The following KLHL5 variants were observed in gnomAD, a reference collection of about 807,000 sequenced individuals.
The protein encoded by KLHL5 is kelch like family member 5.
A neutral mutation model predicts 77.7 loss-of-function variants in KLHL5; 48 were observed. That is an observed-to-expected ratio of 0.62 (90% CI 0.49 to 0.79). The LOEUF (loss-of-function observed/expected upper bound fraction) is 0.79. Ranked by LOEUF, KLHL5 falls within the 30% of genes least tolerant of loss-of-function variation. KLHL5 has a pLI of 0.00. For synonymous variants in KLHL5, 260 were observed against 297.0 expected (o/e 0.88, Z 1.28); for missense variants, 723 against 859.7 (o/e 0.84, Z 1.99).
rs1209170836 is a variant in KLHL5, at chr4:39,122,839, AG to A, written c.*1774del. On this transcript the variant is annotated 3_prime_UTR_variant, in exon 11 of 11. Coordinates refer to ENST00000504108, the MANE Select transcript of KLHL5 (RefSeq NM_015990.5). Reference sequence around the variant, plus strand: ...AAAAAATAAATAAAAAAAAAATAAAAGATTTCATTTTATGTGAGGAATTATT... The same window carrying A: ...AAAAAATAAATAAAAAAAAAATAAAAATTTCATTTTATGTGAGGAATTATT... Among the ~76,000 whole-genome samples the A allele has an allele frequency of 1.3e-5, 2 of 151,834 alleles. No individual in the cohort carries two copies. Among genetic ancestry groups the A allele is most frequent in the Non-Finnish European group, 2.9e-5 (2 of 67,972 alleles).
intron 1 of KLHL5, among the ~76,000 whole-genome samples, chr4:39,054,826 C>A (rs559248475): frequency 1.7e-4 from 26 of 152,310 alleles, no homozygotes; most frequent in East Asian, 1.5e-3. Flanking sequence ...ACTGAACACT[C>A]ATGGGTAAGC....
At chr4:39,065,125 A>G (rs1209439322) in intron 1 of KLHL5, among the ~76,000 whole-genome samples, 1 of 152,178 alleles carries the variant, frequency 6.6e-6, no homozygotes, top group African/African-American at 2.4e-5. Context: ...GATTTTAGAA[A>G]AGTCCTTTGT....
intron 1 of KLHL5, among the ~76,000 whole-genome samples, chr4:39,052,154 T>C (rs1277575456): frequency 2.0e-5 from 3 of 152,176 alleles, no homozygotes; most frequent in Non-Finnish European, 2.9e-5. Context: ...AGAGACTCGC[T>C]CTGTCACCTG....
intron 8 of KLHL5, among the ~76,000 whole-genome samples, chr4:39,109,368 A>T (rs527823450): frequency 3.4e-4 from 51 of 152,074 alleles, no homozygotes; most frequent in Non-Finnish European, 6.5e-4. Flanking sequence ...TGATCTCGGC[A>T]CACTGCAGCC....
chr4:39,113,603 G>T (rs10030904), intron 9 of KLHL5, among the ~76,000 whole-genome samples: 80,273 of 152,094 alleles, frequency 0.53, 21,744 homozygotes, highest in Non-Finnish European at 0.6. Flanking sequence ...GCTTACAAAC[G>T]TAAGTCATCC....
intron 1 of KLHL5, 110 bp downstream of exon 1, chr4:39,063,145 A>AGATG: frequency 1.0e-5 from 7 of 686,300 alleles, no homozygotes; most frequent in African/African-American, 1.8e-5. Context: ...GTACATCTGC[A>AGATG]TACATATATA....
chr4:39,129,205 C>T (rs867011834), downstream of KLHL5, among the ~76,000 whole-genome samples: 23 of 136,660 alleles, frequency 1.7e-4, no homozygotes, highest in Non-Finnish European at 3.0e-4. The surrounding 1 kb of genome is among the most constrained non-coding windows in gnomAD (Gnocchi z 4.2). Flanking sequence ...TTTTTTGAGA[C>T]GGAGTCTTGC....
chr4:39,129,827 T>C (rs1331324529), downstream of KLHL5, among the ~76,000 whole-genome samples: 1 of 152,194 alleles, frequency 6.6e-6, no homozygotes, highest in South Asian at 2.1e-4. This position sits in a 1 kb window ranked among gnomAD's most constrained non-coding sequence, Gnocchi z 4.2. Flanking sequence ...ATTGCAAAGA[T>C]TGTACCAGAT....
chr4:39,137,307 C>T, the KLHL5 span, among the ~76,000 whole-genome samples: 2 of 151,410 alleles, frequency 1.3e-5, no homozygotes, highest in Non-Finnish European at 2.9e-5. Context: ...TAGCAATAAA[C>T]ACACCTCATG....
At chr4:39,052,940 T>C (rs1348310136) in intron 1 of KLHL5, among the ~76,000 whole-genome samples, 2 of 152,326 alleles carry the variant, frequency 1.3e-5, no homozygotes, top group East Asian at 3.9e-4. Context: ...TAAGAAATTC[T>C]AGCCTCGACT....
intron 6 of KLHL5, among the ~76,000 whole-genome samples, chr4:39,103,072 A>G (rs939471578): frequency 1.3e-5 from 2 of 152,020 alleles, no homozygotes; most frequent in Non-Finnish European, 2.9e-5. Flanking sequence ...TGTCCATTTG[A>G]CCTTTTCTTA....
At chr4:39,057,134 G>A (rs1717059912) in intron 1 of KLHL5, among the ~76,000 whole-genome samples, 1 of 152,136 alleles carries the variant, frequency 6.6e-6, no homozygotes, top group Non-Finnish European at 1.5e-5. Flanking sequence ...TTTCATTCAA[G>A]ACCCTCTGTT....
chr4:39,107,050 CTTTTT>C (rs768968144), intron 7 of KLHL5, among the ~76,000 whole-genome samples: 8 of 82,624 alleles, frequency 9.7e-5, no homozygotes, highest in South Asian at 4.2e-4. Flanking sequence ...TTTTTTTTTT[CTTTTT>C]TTTTTTTTTT....
rs111681718 is a variant in KLHL5, at chr4:39,080,523, CA to C, written c.567-567del. On this transcript the variant is annotated intron_variant, in intron 2 of 10. Transcript: ENST00000504108. ...CCTAGGAAACAGAATGAGACTGTCT[CA>C]AAAAAAAAAAAATTATAATTTAAAT... Among the ~76,000 whole-genome samples the C allele has an allele frequency of 3.5e-3, 453 of 129,566 alleles. 4 individuals are homozygous for C. Among genetic ancestry groups the C allele is most frequent in the African/African-American group, 8.9e-3 (316 of 35,440 alleles). The allele number at this position is 129,566 out of a possible 152,430, so 85.0% of individuals were successfully genotyped here. A position where few individuals can be genotyped will look rare whatever the true frequency, so the allele number is the denominator to read the frequency against.
intron 4 of KLHL5, among the ~76,000 whole-genome samples, chr4:39,084,089 A>G (rs1234795593): frequency 6.6e-6 from 1 of 152,250 alleles, no homozygotes; most frequent in East Asian, 1.9e-4. Flanking sequence ...TCAGTTGCCT[A>G]AAAACTATTC....
chr4:39,053,916 G>A (rs998567464), intron 1 of KLHL5, among the ~76,000 whole-genome samples: 4 of 152,202 alleles, frequency 2.6e-5, no homozygotes, highest in Non-Finnish European at 5.9e-5. Context: ...TTGGGAGGGA[G>A]CTAAGTAGGG....
chr4:39,092,001 A>G (rs1720627873), intron 5 of KLHL5, among the ~76,000 whole-genome samples: 1 of 152,012 alleles, frequency 6.6e-6, no homozygotes, highest in African/African-American at 2.4e-5. Context: ...ACATTTTTTT[A>G]ACATCTATAG....
intron 1 of KLHL5, among the ~76,000 whole-genome samples, chr4:39,074,132 G>A (rs532030125): frequency 4.6e-5 from 7 of 151,988 alleles, no homozygotes; most frequent in Admixed American, 2.0e-4. Context: ...TACTTGACTT[G>A]GATTTTCCAA....
At chr4:39,111,015 C>T (rs1722420877) in intron 8 of KLHL5, among the ~76,000 whole-genome samples, 1 of 151,590 alleles carries the variant, frequency 6.6e-6, no homozygotes, top group Non-Finnish European at 1.5e-5. Flanking sequence ...TTTTAGACTC[C>T]CTCAATTTCT....
Sources: allele counts gnomAD v4.1 joint callset (sites outside exome capture counted in the v4.1 genomes callset), GRCh38; gene constraint gnomAD v4.1.1; non-coding constraint Gnocchi (gnomAD v3.1); transcripts MANE v1.5; gene names NCBI Gene and HGNC (gene_info 2026-07-23, HGNC 2026-07-21).